The following LMO3 variants were observed in gnomAD, a reference collection of about 807,000 sequenced individuals.
LMO3 encodes the protein LIM domain only 3, also known as LIM domain only protein 3.
In LMO3, 2 loss-of-function variants were observed where a neutral mutation model predicts 15.8. That is an observed-to-expected ratio of 0.13 (90% confidence interval 0.05 to 0.40). The LOEUF is 0.40. LMO3 is among the 10% of genes least tolerant of loss of function. The pLI is 0.99. For synonymous variants in LMO3, 62 were observed against 63.8 expected, an observed-to-expected ratio of 0.97 and a Z score of 0.13; for missense variants, 86 against 182.2, an observed-to-expected ratio of 0.47 and a Z score of 3.04.
rs746652509 is a variant in LMO3, at chr12:16,550,987, C to CA, written c.*234dup. On this transcript the variant is annotated 3_prime_UTR_variant, in exon 4 of 4. Transcript: ENST00000537304. ...AAGTGACACAAAAACGAATAGCAAGCAAAAAAATCCAGCCATATGTACATT... is the reference window on the plus strand; with the variant it reads ...AAGTGACACAAAAACGAATAGCAAGCAAAAAAAATCCAGCCATATGTACATT... The CA allele has an allele frequency of 1.7e-5, 7 of 412,442 alleles. No homozygotes were observed. Among genetic ancestry groups the CA allele is most frequent in the East Asian group, 6.9e-5 (2 of 28,946 alleles). The allele number at this position is 412,442 out of a possible 1,614,324, so 25.5% of individuals were successfully genotyped here. A position where few individuals can be genotyped will look rare whatever the true frequency, so the allele number is the denominator to read the frequency against.
In LMO3 at chr12:16,587,900, A is replaced by G. The variant is rs927587812; in HGVS notation, c.206+12755T>C. On this transcript the variant is annotated intron_variant, in intron 2 of 3. Coordinates refer to ENST00000537304, the MANE Select transcript of LMO3 (RefSeq NM_018640.5). The surrounding 1 kb of genome is among the most constrained non-coding windows in gnomAD (Gnocchi z 4.3). ...AGAAAAAGTCCACAAGCATTGCTACATTTCTCATGAAAGAAAACCTTGATT... is the reference window on the plus strand; with the variant it reads ...AGAAAAAGTCCACAAGCATTGCTACGTTTCTCATGAAAGAAAACCTTGATT... Among the ~76,000 whole-genome samples the G allele has an allele frequency of 1.3e-5, 2 of 152,276 alleles. No individual in the cohort carries two copies.
At chr12:16,580,804 A>G (rs948226008) in intron 2 of LMO3, among the ~76,000 whole-genome samples, 1 of 152,112 alleles carries the variant, frequency 6.6e-6, no homozygotes, top group African/African-American at 2.4e-5. Context: ...CTATTGTTAA[A>G]TTTTTCACGA....
chr12:16,564,162 C>A (rs368901928), intron 2 of LMO3, among the ~76,000 whole-genome samples: 2 of 152,090 alleles, frequency 1.3e-5, no homozygotes, highest in Non-Finnish European at 2.9e-5. Context: ...TAAAAACAGA[C>A]ATGAATATAA....
chr12:16,558,210 T>C (rs999540895), intron 3 of LMO3, among the ~76,000 whole-genome samples: 1 of 152,100 alleles, frequency 6.6e-6, no homozygotes, highest in African/African-American at 2.4e-5. Context: ...ATTTGTCCTA[T>C]AGACATAGGA....
chr12:16,568,155 T>G (rs1942685817), intron 2 of LMO3, among the ~76,000 whole-genome samples: 1 of 152,200 alleles, frequency 6.6e-6, no homozygotes, highest in Non-Finnish European at 1.5e-5. Flanking sequence ...TATTGTATGT[T>G]AATGGAAACC....
chr12:16,560,323 A>G lies in LMO3; in HGVS notation c.332+90T>C, dbSNP rs1436631560. 3 of 1,380,914 alleles carry G rather than the reference A, an allele frequency of 2.2e-6. No individual in the cohort carries two copies. In the East Asian group the frequency reaches 7.1e-5, roughly 33 times the overall value. 85.5% of individuals were successfully genotyped at this position (1,380,914 alleles called of 1,614,324 possible). ...GAAAAACGCTGAGATTGATTGCTTTAAATGTATGAATATAATTTCCACCTA... is the reference window on the plus strand; with the variant it reads ...GAAAAACGCTGAGATTGATTGCTTTGAATGTATGAATATAATTTCCACCTA... On this transcript the variant is annotated intron_variant, in intron 3 of 3. Transcript: ENST00000537304. The surrounding 1 kb of genome is among the most constrained non-coding windows in gnomAD (Gnocchi z 5.0).
At chr12:16,566,561 T>C (rs1037642505) in intron 2 of LMO3, among the ~76,000 whole-genome samples, 2 of 151,952 alleles carry the variant, frequency 1.3e-5, no homozygotes, top group Non-Finnish European at 2.9e-5. Context: ...AAAAAAGAAA[T>C]TTTCAAAAAA....
At position 16,597,633 on chromosome 12, in the gene LMO3, A is replaced by T. The variant is rs1591827808; in HGVS notation, c.206+3022T>A. On this transcript the variant is annotated intron_variant, in intron 2 of 3. Coordinates refer to ENST00000537304, the MANE Select transcript of LMO3 (RefSeq NM_018640.5). This position sits in a 1 kb window ranked among gnomAD's most constrained non-coding sequence, Gnocchi z 5.0. ...ACCAACAATATATGTGGACAGGCAA[A>T]TTACTATTTTATTACTTTCCTTATT... is the stretch of plus-strand genomic sequence containing the variant. The T allele has an allele frequency of 1.3e-5, 2 of 151,940 alleles. No homozygotes were observed. The highest frequency in any genetic ancestry group is 3.9e-4 in the East Asian group (2 of 5,194). 9.4% of individuals were successfully genotyped at this position (151,940 alleles called of 1,614,324 possible). A position where few individuals can be genotyped will look rare whatever the true frequency, so the allele number is the denominator to read the frequency against.
chr12:16,579,495 T>A (rs375862220), intron 2 of LMO3, among the ~76,000 whole-genome samples: 2 of 152,224 alleles, frequency 1.3e-5, no homozygotes, highest in African/African-American at 4.8e-5. Context: ...CCAACGCAGA[T>A]GTATAAGTGA....
At chr12:16,590,284 G>C (rs1321898485) in intron 2 of LMO3, among the ~76,000 whole-genome samples, 3 of 151,982 alleles carry the variant, frequency 2.0e-5, no homozygotes, top group Non-Finnish European at 4.4e-5. Flanking sequence ...TTAGTGGTGA[G>C]AAATATAAGC....
At chr12:16,570,640 A>T (rs1359934288) in intron 2 of LMO3, among the ~76,000 whole-genome samples, 3 of 152,150 alleles carry the variant, frequency 2.0e-5, no homozygotes, top group Admixed American at 6.6e-5. Context: ...TCAGGCACTA[A>T]CACAGGCTTA....
rs933974267 is a variant in LMO3 at position 16,591,117 on chromosome 12, T to C, written c.206+9538A>G. On this transcript the variant is annotated intron_variant, in intron 2 of 3. Transcript: ENST00000537304. The surrounding 1 kb of genome is among the most constrained non-coding windows in gnomAD (Gnocchi z 4.1). ...GACATTTAGAAATGTATACGGGGCA[T>C]TGTTTGTTGCAACAGTGATAGGTGG... Among the ~76,000 whole-genome samples the C allele has an allele frequency of 6.6e-6, 1 of 152,052 alleles. No individual in the cohort carries two copies. Among genetic ancestry groups the C allele is most frequent in the African/African-American group, 2.4e-5 (1 of 41,418 alleles).
rs1943548721 is a variant in LMO3 at position 16,593,266 on chromosome 12, AAG to A, written c.206+7387_206+7388del. 2.0e-5 allele frequency among the ~76,000 whole-genome samples: 3 copies of A among 151,928 alleles called. No homozygotes were observed. The South Asian group carries it at 6.2e-4, about 31-fold the overall frequency. On this transcript the variant is annotated intron_variant, in intron 2 of 3. Coordinates refer to ENST00000537304, the MANE Select transcript of LMO3 (RefSeq NM_018640.5). The surrounding 1 kb of genome is among the most constrained non-coding windows in gnomAD (Gnocchi z 4.2). ...TTCTGCAAATACTCTTTCAATTCCT[AAG>A]AGTCTTTTATTTTCCCAGTAGCCCA...
rs1943331296 is a variant in LMO3 at position 16,586,656 on chromosome 12, G to A, written c.206+13999C>T. 6.6e-6 allele frequency among the ~76,000 whole-genome samples: 1 copy of A among 152,276 alleles called. No individual in the cohort carries two copies. The highest frequency in any genetic ancestry group is 1.5e-5 in the Non-Finnish European group (1 of 68,030). On this transcript the variant is annotated intron_variant, in intron 2 of 3. Transcript: ENST00000537304. The surrounding 1 kb of genome is among the most constrained non-coding windows in gnomAD (Gnocchi z 4.3). ...AGCCTGTCCTAGGATGTGGCAATAA[G>A]GCTATACCGTCGGGGTAGAGATTTC... is the stretch of plus-strand genomic sequence containing the variant.
At chr12:16,600,351 G>C (rs1027081340) in intron 2 of LMO3, 13 of 224,680 alleles carry the variant, frequency 5.8e-5, no homozygotes, top group Admixed American at 2.8e-4. Context: ...CAACCTGAAT[G>C]CTGATTTCGA....
chr12:16,554,904 C>T (rs139607431), intron 3 of LMO3, among the ~76,000 whole-genome samples: 4 of 152,244 alleles, frequency 2.6e-5, no homozygotes, highest in African/African-American at 7.2e-5. Context: ...GTGATCCGCC[C>T]GCCCGCCTCG....
Position 16,549,735 on chromosome 12 carries a change from T to C in LMO3, c.*1487A>G, listed in dbSNP as rs1277444837. The C allele has an allele frequency of 1.3e-5, 2 of 152,094 alleles. No individual in the cohort carries two copies. Among genetic ancestry groups the C allele is most frequent in the Non-Finnish European group, 2.9e-5 (2 of 67,966 alleles). 9.4% of individuals were successfully genotyped at this position (152,094 alleles called of 1,614,324 possible). A position where few individuals can be genotyped will look rare whatever the true frequency, so the allele number is the denominator to read the frequency against. ...TTAGATTTGTTGAAAAGTAGTTCTA[T>C]TACAGGGAGCAAAAGCAAAGAAGCA... On this transcript the variant is annotated 3_prime_UTR_variant, in exon 4 of 4. Transcript: ENST00000537304.
chr12:16,552,188 G>A (rs1942012877), intron 3 of LMO3, among the ~76,000 whole-genome samples: 1 of 151,936 alleles, frequency 6.6e-6, no homozygotes, highest in African/African-American at 2.4e-5. Context: ...TGTTTTTTCT[G>A]TTTCTGGTAC....
rs1009330779 is a variant in LMO3, at chr12:16,597,292, A to T, written c.206+3363T>A. Among the ~76,000 whole-genome samples the T allele has an allele frequency of 6.6e-6, 1 of 151,800 alleles. No homozygotes were observed. The highest frequency in any genetic ancestry group is 6.6e-5 in the Admixed American group (1 of 15,214). On this transcript the variant is annotated intron_variant, in intron 2 of 3. Coordinates refer to ENST00000537304, the MANE Select transcript of LMO3 (RefSeq NM_018640.5). The surrounding 1 kb of genome is among the most constrained non-coding windows in gnomAD (Gnocchi z 5.0). ...GTGCCATAAAGGAGAAAAAAAATGG[A>T]AAGACATCAAATTTTCCATAATAAT...
Sources: allele counts gnomAD v4.1 joint callset (sites outside exome capture counted in the v4.1 genomes callset), GRCh38; gene constraint gnomAD v4.1.1; non-coding constraint Gnocchi (gnomAD v3.1); transcripts MANE v1.5; gene names NCBI Gene and HGNC (gene_info 2026-07-23, HGNC 2026-07-21).